The following SLC22A8 variants were observed in gnomAD, a reference collection of about 807,000 sequenced individuals.
SLC22A8 encodes organic anion transporter 3.
SLC22A8 carries 40 observed loss-of-function variants against 48.4 expected under a neutral mutation model. The observed-to-expected ratio is 0.83, with a 90% CI of 0.64 to 1.08. The LOEUF (loss-of-function observed/expected upper bound fraction) is 1.08. Ranked by LOEUF, SLC22A8 falls within the 50% of genes least tolerant of loss-of-function variation. The pLI is 0.00. For missense variants in SLC22A8, 606 were observed against 699.0 expected, an observed-to-expected ratio of 0.87 and a Z score of 1.50; for synonymous variants, 268 against 286.3, an observed-to-expected ratio of 0.94 and a Z score of 0.65.
At chr11:63,002,239 T>C (rs2086504001) in intron 2 of SLC22A8, among the ~76,000 whole-genome samples, 1 of 152,202 alleles carries the variant, frequency 6.6e-6, no homozygotes, top group Non-Finnish European at 1.5e-5. Flanking sequence ...AAAAAAATTA[T>C]ATCATTTTTA....
At chr11:63,001,272 C>A (rs1188753158) in intron 2 of SLC22A8, among the ~76,000 whole-genome samples, 2 of 152,168 alleles carry the variant, frequency 1.3e-5, no homozygotes, top group African/African-American at 4.8e-5. Context: ...TCTCTCTGCT[C>A]CTCCTCATCA....
At position 62,995,832 on chromosome 11, in the gene SLC22A8, G is replaced by A. The variant is rs375184174; in HGVS notation, c.886-13C>T. On this transcript the variant is annotated splice_polypyrimidine_tract_variant and intron_variant, in intron 6 of 10. Transcript: ENST00000336232. ...TGAGTTTGAGCTCCTTCGGGCAGAG[G>A]AGGGGGAGGGGTGCCATTAATGACC... is the stretch of plus-strand genomic sequence containing the variant. 96 of 1,596,940 alleles carry A rather than the reference G, an allele frequency of 6.0e-5. No homozygotes were observed. Among genetic ancestry groups the A allele is most frequent in the Non-Finnish European group, 7.8e-5 (91 of 1,164,404 alleles).
At chr11:63,007,178 G>T (rs1010834730) in intron 2 of SLC22A8, among the ~76,000 whole-genome samples, 2 of 152,110 alleles carry the variant, frequency 1.3e-5, no homozygotes, top group Non-Finnish European at 2.9e-5. Flanking sequence ...TTATTTTACT[G>T]AGGAAGCCCA....
intron 6 of SLC22A8, 71 bp downstream of exon 6, chr11:62,995,958 G>T: frequency 6.2e-7 from 1 of 1,605,500 alleles, no homozygotes; most frequent in Non-Finnish European, 8.5e-7. Context: ...GGGAACAGAG[G>T]CAAGGGGAGG....
At chr11:62,995,627 G>T in intron 7 of SLC22A8, 77 bp downstream of exon 7, 2 of 1,007,848 alleles carry the variant, frequency 2.0e-6, no homozygotes, top group Non-Finnish European at 3.1e-6. Flanking sequence ...CCTAGGCCTT[G>T]CCCTTAAGTG....
intron 2 of SLC22A8, among the ~76,000 whole-genome samples, chr11:63,010,084 G>A (rs2086600663): frequency 6.6e-6 from 1 of 152,180 alleles, no homozygotes; most frequent in Admixed American, 6.5e-5. Flanking sequence ...CAGCAAAAAA[G>A]CATGGCACCA....
chr11:62,998,874 G>A (rs369688755), intron 5 of SLC22A8, 47 bp downstream of exon 5: 4 of 1,544,646 alleles, frequency 2.6e-6, no homozygotes, highest in Non-Finnish European at 3.5e-6. Context: ...CCCCTGTTTG[G>A]CCCTGGGGCA....
chr11:63,004,553 C>T (rs769002976), intron 2 of SLC22A8, among the ~76,000 whole-genome samples: 3 of 152,188 alleles, frequency 2.0e-5, no homozygotes, highest in Non-Finnish European at 4.4e-5. Context: ...CAAATGTTAT[C>T]TTCTCAGTGA....
chr11:62,999,652 C>A, intron 4 of SLC22A8, 36 bp downstream of exon 4: 1 of 1,452,746 alleles, frequency 6.9e-7, no homozygotes, highest in South Asian at 1.5e-5. Context: ...GGATGGTGCT[C>A]CCCAAAGCCC....
rs146778559 is a variant in SLC22A8, at chr11:62,996,132, C to A, written c.782G>T (p.Arg261Leu). The stretch of plus-strand genomic sequence containing the variant: ...GGACTTTCCAGACAAGACCAACCAG[C>A]GTATGGACTCTGGTGTCCACCTGGG... Reference protein sequence around the residue: ...LSSWWTPESIRWLVLSGKSSK... With the variant: ...LSSWWTPESILWLVLSGKSSK... The change falls in exon 6 of 11, where the codon CGC becomes CTC. Residue 261 changes from arginine (R) to leucine (L), a missense_variant. Arg to Leu is a moderately radical substitution (Grantham distance 102). Coordinates refer to ENST00000336232, the MANE Select transcript of SLC22A8 (RefSeq NM_004254.4). The A allele has an allele frequency of 1.9e-6, 3 of 1,608,956 alleles. No homozygotes were observed. The highest frequency in any genetic ancestry group is 3.3e-5 in the Admixed American group (2 of 59,704).
intron 3 of SLC22A8, 94 bp downstream of exon 3, chr11:63,000,626 C>G (rs1172904175): frequency 1.2e-6 from 1 of 853,646 alleles, no homozygotes; most frequent in Non-Finnish European, 1.9e-6. Flanking sequence ...CCTCCCCCAG[C>G]TCTTTGCCTC....
chr11:62,993,465 C>T lies in SLC22A8; in HGVS notation c.1488G>A (p.Leu496=), dbSNP rs2086368461. 6.2e-7 allele frequency: 1 copy of T among 1,614,174 alleles called. No homozygotes were observed. Residue 496 remains leucine (L), a synonymous_variant, in exon 10 of 11, where the codon CTG becomes CTA. Coordinates refer to ENST00000336232, the MANE Select transcript of SLC22A8 (RefSeq NM_004254.4). ...GSAALFLPET[L]NQPLPETIED... ...CGATAGTCTCTGGCAAGGGCTGATT[C>T]AGGGTCTCAGGCAGGAAGAGGGCAG...
In SLC22A8 at chr11:63,000,753, A is replaced by C; in HGVS notation, c.404T>G (p.Ile135Ser). The change falls in exon 3 of 11, where the codon ATT becomes AGT. Residue 135 changes from isoleucine (I) to serine (S), a missense_variant. Ile to Ser is a moderately radical substitution (Grantham distance 142, BLOSUM62 -2). Transcript: ENST00000336232. ...CAGGTCTCCAAGCACGAGCCCTCCA[A>C]TCAGTATACCTGCCATGAAGATAGA... ...AQSIFMAGIL[I>S]GGLVLGDLSD... 1 of 1,613,954 alleles carries C rather than the reference A, an allele frequency of 6.2e-7. No individual in the cohort carries two copies. The highest frequency in any genetic ancestry group is 8.5e-7 in the Non-Finnish European group (1 of 1,179,866).
chr11:63,014,881 G>T lies in SLC22A8; in HGVS notation c.78C>A (p.Leu26=), dbSNP rs1177600629. 1 of 1,607,900 alleles carries T rather than the reference G, an allele frequency of 6.2e-7. No individual in the cohort carries two copies. The highest frequency in any genetic ancestry group is 2.2e-5 in the East Asian group (1 of 44,728). Residue 26 remains leucine, a synonymous_variant, in exon 2 of 11, where the codon CTC becomes CTA. Coordinates refer to ENST00000336232, the MANE Select transcript of SLC22A8 (RefSeq NM_004254.4). ...FQFLHVAILG[L]PILNMANHNL... ...TGTGGTTGGCCATGTTGAGGATCGG[G>T]AGGCCCAGTATGGCTACATGCAGGA...
chr11:63,006,400 G>T (rs1224449593), intron 2 of SLC22A8, among the ~76,000 whole-genome samples: 1 of 151,986 alleles, frequency 6.6e-6, no homozygotes, highest in Non-Finnish European at 1.5e-5. Flanking sequence ...ACAAACAGGT[G>T]GTCAATAAGT....
chr11:63,010,670 A>G (rs2086608903), intron 2 of SLC22A8, among the ~76,000 whole-genome samples: 1 of 152,134 alleles, frequency 6.6e-6, no homozygotes, highest in Non-Finnish European at 1.5e-5. Flanking sequence ...GGGATCTGGC[A>G]CCTGATGAAT....
At position 63,006,595 on chromosome 11, in the gene SLC22A8, G is replaced by GTTTTTTTTTTTTTTTTTTTTTTTTT. The variant is rs58058368; in HGVS notation, c.334-5797_334-5773dup. ...TGAGGACTGAGAATGTCTCATTTGA[G>GTTTTTTTTTTTTTTTTTTTTTTTTT]TTTTTTTTTTTTTTTTTTTTTTTTT... On this transcript the variant is annotated intron_variant, in intron 2 of 10. Coordinates refer to ENST00000336232, the MANE Select transcript of SLC22A8 (RefSeq NM_004254.4). Among the ~76,000 whole-genome samples, 20 of 51,426 alleles carry GTTTTTTTTTTTTTTTTTTTTTTTTT rather than the reference G, an allele frequency of 3.9e-4. 6 individuals are homozygous for GTTTTTTTTTTTTTTTTTTTTTTTTT. The highest frequency in any genetic ancestry group is 1.0e-3 in the South Asian group (1 of 966). The allele number at this position is 51,426 out of a possible 152,430, so 33.7% of individuals were successfully genotyped here.
chr11:62,998,976 G>A lies in SLC22A8; in HGVS notation c.706C>T (p.Arg236Cys), dbSNP rs370695003. The change falls in exon 5 of 11, where the codon CGT (arginine) becomes TGT (cysteine). Residue 236 changes from arginine (R) to cysteine (C), a missense_variant. Transcript: ENST00000336232. ...ATGGACACAGTTAACTGCAGCCAAC[G>A]CCACTGGGGGATGGCGTAGGCCAGG... ...PGLAYAIPQW[R>C]WLQLTVSIPF... is the part of the protein sequence containing the mutation. 6.2e-7 allele frequency: 1 copy of A among 1,613,954 alleles called. No individual in the cohort carries two copies. Among genetic ancestry groups the A allele is most frequent in the Non-Finnish European group, 8.5e-7 (1 of 1,179,798 alleles).
chr11:63,006,596 T>G (rs984861796), intron 2 of SLC22A8, among the ~76,000 whole-genome samples: 5 of 58,334 alleles, frequency 8.6e-5, no homozygotes, highest in East Asian at 7.3e-4. Context: ...CTCATTTGAG[T>G]TTTTTTTTTT....
Sources: gnomAD v4.1 joint callset for allele counts (sites outside exome capture counted in the v4.1 genomes callset) on GRCh38, gnomAD v4.1.1 for gene constraint, MANE v1.5 for transcripts, NCBI Gene and HGNC (gene_info 2026-07-23, HGNC 2026-07-21) for gene names.